Variants in RNF17 observed in about 807,000 individuals in gnomAD.
RNF17 encodes the protein ring finger protein 17.
RNF17 carries 31 observed loss-of-function variants against 200.5 expected under a neutral mutation model. The ratio of observed to expected loss-of-function variants is 0.15; its 90% CI spans 0.12 to 0.21. RNF17 has a LOEUF of 0.21. Ranked by LOEUF, RNF17 falls within the 10% of genes least tolerant of loss-of-function variation. The pLI is 1.00. For missense variants in RNF17, 1,628 were observed against 1,905.1 expected (o/e 0.85, Z 2.71); for synonymous variants, 606 against 637.8 (o/e 0.95, Z 0.75).
At chr13:24,793,431 CAG>C (rs1884139792) in intron 10 of RNF17, 85 bp downstream of exon 10, 1 of 1,237,616 alleles carries the variant, frequency 8.1e-7, no homozygotes, top group Non-Finnish European at 1.1e-6. Flanking sequence ...ATGCATTTAA[CAG>C]AAATATAATT....
At chr13:24,786,516 T>C (rs1883130550) in intron 6 of RNF17, among the ~76,000 whole-genome samples, 1 of 152,218 alleles carries the variant, frequency 6.6e-6, no homozygotes, top group Non-Finnish European at 1.5e-5. Context: ...TGTATGGCTT[T>C]GAGTTACTGC....
the RNF17 span, among the ~76,000 whole-genome samples, chr13:24,753,381 A>G: frequency 6.6e-6 from 1 of 152,224 alleles, no homozygotes; most frequent in Non-Finnish European, 1.5e-5. Context: ...AGCATCACAC[A>G]TGACCTGTAT....
At position 24,764,172 on chromosome 13, in the gene RNF17, C is replaced by T. The variant is rs769650038; in HGVS notation, c.-32C>T. The T allele has an allele frequency of 1.3e-5, 20 of 1,557,184 alleles. No homozygotes were observed. Among genetic ancestry groups the T allele is most frequent in the Non-Finnish European group, 1.6e-5 (18 of 1,139,936 alleles). ...GCCGCGAGGGCCGCCGGGACTCGCA[C>T]TCGGCGGTTGTTCCAGAAGAAAGAG... On this transcript the variant is annotated 5_prime_UTR_variant, in exon 1 of 36. Coordinates refer to ENST00000255324, the MANE Select transcript of RNF17 (RefSeq NM_031277.3).
At chr13:24,756,100 G>A in the RNF17 span, among the ~76,000 whole-genome samples, 61 of 152,094 alleles carry the variant, frequency 4.0e-4, no homozygotes, top group African/African-American at 1.4e-3. Context: ...TCTCTCTTTA[G>A]TAGCTTAACT....
intron 15 of RNF17, among the ~76,000 whole-genome samples, chr13:24,824,924 A>G (rs1888458470): frequency 6.6e-6 from 1 of 152,184 alleles, no homozygotes; most frequent in South Asian, 2.1e-4. Context: ...GCCACCTATG[A>G]CACAGTCTAG....
chr13:24,778,426 T>C lies in RNF17; in HGVS notation c.429+20T>C, dbSNP rs370875637. 2.8e-6 allele frequency: 4 copies of C among 1,434,208 alleles called. No individual in the cohort carries two copies. In the African/African-American group the frequency reaches 5.6e-5, roughly 20 times the overall value. The allele number at this position is 1,434,208 out of a possible 1,614,324, so 88.8% of individuals were successfully genotyped here. On this transcript the variant is annotated intron_variant, in intron 4 of 35. Transcript: ENST00000255324. ...ATGTTGGTATGAAACATATTGGTCA[T>C]GAAGTACGATGAAGGCAAACGTTTG...
downstream of RNF17, chr13:24,883,079 C>T: frequency 9.2e-7 from 1 of 1,084,322 alleles, no homozygotes; most frequent in Non-Finnish European, 1.4e-6. Context: ...TAATCTTTTC[C>T]CCACACATAC....
intron 19 of RNF17, 150 bp from the exon 20 acceptor site, chr13:24,843,594 C>A (rs1319121152): frequency 4.7e-6 from 3 of 635,646 alleles, no homozygotes; most frequent in Non-Finnish European, 8.3e-6. Context: ...AACTTATATA[C>A]AGTAAAAAGT....
At chr13:24,869,587 C>G (rs555415454) in intron 31 of RNF17, among the ~76,000 whole-genome samples, 2 of 152,268 alleles carry the variant, frequency 1.3e-5, no homozygotes, top group African/African-American at 4.8e-5. Flanking sequence ...AAGACTCACT[C>G]ACATGGCACC....
At chr13:24,861,637 G>C (rs953493665) in intron 27 of RNF17, among the ~76,000 whole-genome samples, 14 of 152,128 alleles carry the variant, frequency 9.2e-5, no homozygotes, top group African/African-American at 3.4e-4. Flanking sequence ...GATTGCAAAA[G>C]TTTTATTTCT....
At chr13:24,881,713 A>ATAGATATAT (rs1953825271), downstream of RNF17, among the ~76,000 whole-genome samples, 2 of 148,722 alleles carry the variant, frequency 1.3e-5, no homozygotes, top group East Asian at 2.1e-4. Context: ...ATCTAGGTAT[A>ATAGATATAT]CAGATATATC....
At position 24,771,992 on chromosome 13, in the gene RNF17, G is replaced by A. The variant is rs567825079; in HGVS notation, c.226-2821G>A. 5.9e-5 allele frequency among the ~76,000 whole-genome samples: 9 copies of A among 152,214 alleles called. No homozygotes were observed. In the East Asian group the frequency reaches 1.2e-3, roughly 20 times the overall value. On this transcript the variant is annotated intron_variant, in intron 2 of 35. Coordinates refer to ENST00000255324, the MANE Select transcript of RNF17 (RefSeq NM_031277.3). ...GCACTCCAGCCTGGGCAACAAGAGC[G>A]AAACTCCATCTGAAGACAAAAAAGT...
At position 24,764,888 on chromosome 13, in the gene RNF17, G is replaced by GGGGTGTGTGTGT. The variant is rs899352115; in HGVS notation, c.130+556_130+557insGGTGTGTGTGTG. Among the ~76,000 whole-genome samples the GGGGTGTGTGTGT allele has an allele frequency of 5.0e-4, 67 of 134,174 alleles. No individual in the cohort carries two copies. In the East Asian group the frequency reaches 6.1e-3, roughly 12 times the overall value. 88.0% of individuals were successfully genotyped at this position (134,174 alleles called of 152,430 possible). On this transcript the variant is annotated intron_variant, in intron 1 of 35. Transcript: ENST00000255324. ...ATAGTTTCTTTTGTGCACCTTGTGG[G>GGGGTGTGTGTGT]GTGTGTGTGTGTGTGTGTGTGTGTG...
chr13:24,887,887 CT>C, the RNF17 span, among the ~76,000 whole-genome samples: 1 of 152,126 alleles, frequency 6.6e-6, no homozygotes, highest in Non-Finnish European at 1.5e-5. Flanking sequence ...TGCTGCAAGT[CT>C]TCTGTCTCCA....
chr13:24,877,977 A>AG (rs1439015425), intron 34 of RNF17, among the ~76,000 whole-genome samples: 5 of 152,216 alleles, frequency 3.3e-5, no homozygotes, highest in Non-Finnish European at 7.3e-5. Flanking sequence ...GGCCCTGATT[A>AG]GATATTCTAA....
At position 24,843,895 on chromosome 13, in the gene RNF17, C is replaced by T. The variant is rs1471846470; in HGVS notation, c.2755C>T (p.Pro919Ser). 2 of 1,603,164 alleles carry T rather than the reference C, an allele frequency of 1.2e-6. No individual in the cohort carries two copies. The highest frequency in any genetic ancestry group is 2.2e-5 in the East Asian group (1 of 44,658). The change falls in exon 20 of 36, where the codon CCT (proline) becomes TCT (serine). Residue 919 changes from proline to serine, a missense_variant. This residue lies in a region of RNF17 where 227 missense variants were observed against 319.8 expected (regional missense o/e 0.71). Transcript: ENST00000255324. ...NFQSLYNKEL[P>S]VHICNVISPE... is the part of the protein sequence containing the mutation. ...TCAGTCACTTTATAATAAGGAATTG[C>T]CTGTGCATATCTGTAATGTAATATC...
chr13:24,778,206 G>A lies in RNF17; in HGVS notation c.318-89G>A, dbSNP rs1032625404. 49 of 813,976 alleles carry A rather than the reference G, an allele frequency of 6.0e-5. No individual in the cohort carries two copies. In the Admixed American group the frequency reaches 7.6e-4, roughly 13 times the overall value. 50.4% of individuals were successfully genotyped at this position (813,976 alleles called of 1,614,324 possible). A position where few individuals can be genotyped will look rare whatever the true frequency, so the allele number is the denominator to read the frequency against. ...GAGCCTGGGAAGTCGAGGCTGCCAT[G>A]AGCCATGATGGTGCCACTGCACTCT... On this transcript the variant is annotated intron_variant, in intron 3 of 35. Coordinates refer to ENST00000255324, the MANE Select transcript of RNF17 (RefSeq NM_031277.3).
At chr13:24,788,184 G>A (rs1257067347) in intron 7 of RNF17, 25 bp downstream of exon 7, 2 of 1,525,818 alleles carry the variant, frequency 1.3e-6, no homozygotes, top group African/African-American at 1.4e-5. Flanking sequence ...CACAATGTGA[G>A]TTATTTCTGT....
intron 28 of RNF17, among the ~76,000 whole-genome samples, chr13:24,864,109 G>A (rs990420959): frequency 6.6e-6 from 1 of 152,212 alleles, no homozygotes; most frequent in Non-Finnish European, 1.5e-5. Context: ...CTTTAAACAT[G>A]CATCTGGGAA....
Sources: allele counts gnomAD v4.1 joint callset (sites outside exome capture counted in the v4.1 genomes callset), GRCh38; gene constraint gnomAD v4.1.1; regional missense constraint gnomAD v4.1.1; transcripts MANE v1.5; gene names NCBI Gene and HGNC (gene_info 2026-07-23, HGNC 2026-07-21).